Variants in SH3GL2 observed in about 807,000 individuals in gnomAD.
The protein encoded by SH3GL2 is endophilin-A1.
A neutral mutation model predicts 46.0 loss-of-function variants in SH3GL2; 24 were observed. The ratio of observed to expected loss-of-function variants is 0.52; its 90% CI spans 0.38 to 0.73. The LOEUF is 0.73. Ranked by LOEUF, SH3GL2 falls within the 30% of genes least tolerant of loss-of-function variation. The pLI is 0.00. For missense variants in SH3GL2, 413 were observed against 424.2 expected, an observed-to-expected ratio of 0.97 and a Z score of 0.23; for synonymous variants, 196 against 147.1, an observed-to-expected ratio of 1.33 and a Z score of -2.40.
At chr9:17,692,752 T>G (rs1272853472) in intron 1 of SH3GL2, among the ~76,000 whole-genome samples, 1 of 152,176 alleles carries the variant, frequency 6.6e-6, no homozygotes, top group African/African-American at 2.4e-5. Context: ...GTTTTCACAC[T>G]GCTGATAAAG....
intron 1 of SH3GL2, among the ~76,000 whole-genome samples, chr9:17,648,911 A>T (rs1354370164): frequency 1.3e-5 from 2 of 152,180 alleles, no homozygotes; most frequent in Admixed American, 1.3e-4. Flanking sequence ...ATTTTTTCCC[A>T]AATTATTATG....
intron 6 of SH3GL2, chr9:17,790,512 C>T (rs1050495656): frequency 5.7e-5 from 31 of 541,652 alleles, no homozygotes; most frequent in South Asian, 4.0e-4. Flanking sequence ...CCTAACTCCT[C>T]GAGAGGAATA....
rs1484985639 is a variant in SH3GL2 at position 17,644,714 on chromosome 9, G to T, written c.45+65427G>T. On this transcript the variant is annotated intron_variant, in intron 1 of 8. Transcript: ENST00000380607. ...TGTTTGTTATGATTTCCATTTTTTT[G>T]CATTTGCTGAGGAGTGCTTTACTTC... 4.6e-5 allele frequency among the ~76,000 whole-genome samples: 7 copies of T among 152,028 alleles called. No individual in the cohort carries two copies. The East Asian group carries it at 9.7e-4, about 21-fold the overall frequency.
At chr9:17,633,963 C>T (rs1453479164) in intron 1 of SH3GL2, among the ~76,000 whole-genome samples, 1 of 152,186 alleles carries the variant, frequency 6.6e-6, no homozygotes, top group Non-Finnish European at 1.5e-5. Flanking sequence ...TGGTATGTTT[C>T]TTGAATGACC....
intron 1 of SH3GL2, among the ~76,000 whole-genome samples, chr9:17,659,701 G>A (rs1044190216): frequency 6.6e-6 from 1 of 152,112 alleles, no homozygotes; most frequent in South Asian, 2.1e-4. Context: ...ATGTGGCTCA[G>A]AATTAGTGTT....
At chr9:17,743,592 A>ACACACACACACC (rs1822594644) in intron 1 of SH3GL2, among the ~76,000 whole-genome samples, 1 of 151,434 alleles carries the variant, frequency 6.6e-6, no homozygotes, top group African/African-American at 2.4e-5. Context: ...ACACACACAC[A>ACACACACACACC]CACACACACC....
chr9:17,606,386 C>T (rs368312243), intron 1 of SH3GL2, among the ~76,000 whole-genome samples: 14 of 152,134 alleles, frequency 9.2e-5, no homozygotes, highest in Admixed American at 3.3e-4. Flanking sequence ...CCACCATGCC[C>T]GCTCAGACCC....
rs562477832 is a variant in SH3GL2, at chr9:17,758,213, C to G, written c.115-3224C>G. 8.6e-4 allele frequency among the ~76,000 whole-genome samples: 131 copies of G among 152,212 alleles called. 1 individual carries two copies. The Middle Eastern group carries it at 0.017, about 20-fold the overall frequency. ...ATAAATTAAAGCGTTAAACAGAATG[C>G]TCCCCTGGTCTCTTCCTCTTATGTC... is the stretch of plus-strand genomic sequence containing the variant. On this transcript the variant is annotated intron_variant, in intron 2 of 8. Transcript: ENST00000380607.
chr9:17,782,602 C>T (rs1009979308), intron 3 of SH3GL2, among the ~76,000 whole-genome samples: 2 of 152,110 alleles, frequency 1.3e-5, no homozygotes, highest in Non-Finnish European at 2.9e-5. Context: ...AGGAGACCTG[C>T]TCTCAAACCA....
chr9:17,647,411 T>TCTC (rs1819844404), intron 1 of SH3GL2, among the ~76,000 whole-genome samples: 1 of 150,334 alleles, frequency 6.7e-6, no homozygotes, highest in Non-Finnish European at 1.5e-5. Flanking sequence ...TCTTGTTAGT[T>TCTC]TCTCTCTCTC....
At chr9:17,666,545 CGTGTGTGTGT>C (rs71331502) in intron 1 of SH3GL2, among the ~76,000 whole-genome samples, 8 of 142,144 alleles carry the variant, frequency 5.6e-5, no homozygotes, top group Admixed American at 2.9e-4. Context: ...ACAAAGGTAA[CGTGTGTGTGT>C]GTGTGTGTGT....
intron 2 of SH3GL2, among the ~76,000 whole-genome samples, chr9:17,760,999 G>A (rs1369073143): frequency 6.6e-6 from 1 of 152,100 alleles, no homozygotes. Flanking sequence ...TATATTTTTA[G>A]GATGTTCTTA....
At chr9:17,624,054 A>G (rs1444090582) in intron 1 of SH3GL2, among the ~76,000 whole-genome samples, 1 of 152,174 alleles carries the variant, frequency 6.6e-6, no homozygotes, top group Non-Finnish European at 1.5e-5. Flanking sequence ...ACATTTGCAC[A>G]GCCTTGGTTT....
intron 1 of SH3GL2, among the ~76,000 whole-genome samples, chr9:17,613,943 C>T (rs534852633): frequency 4.6e-5 from 7 of 152,076 alleles, no homozygotes; most frequent in Middle Eastern, 3.2e-3. Context: ...AAATGAATGA[C>T]GACAATACTG....
chr9:17,608,966 C>T (rs947735888), intron 1 of SH3GL2, among the ~76,000 whole-genome samples: 4 of 152,140 alleles, frequency 2.6e-5, no homozygotes, highest in Admixed American at 2.6e-4. Context: ...ATCCAGGACA[C>T]CCACTTTCAC....
At chr9:17,654,401 T>C (rs926210093) in intron 1 of SH3GL2, among the ~76,000 whole-genome samples, 5 of 152,190 alleles carry the variant, frequency 3.3e-5, no homozygotes, top group Non-Finnish European at 7.3e-5. Flanking sequence ...TGAAGATTTG[T>C]TAATGAAATA....
intron 1 of SH3GL2, among the ~76,000 whole-genome samples, chr9:17,597,331 G>A (rs1818591281): frequency 6.6e-6 from 1 of 152,096 alleles, no homozygotes; most frequent in African/African-American, 2.4e-5. Context: ...AAGCCAGCCT[G>A]ACCAACATGC....
intron 3 of SH3GL2, 54 bp from the exon 4 acceptor site, chr9:17,786,327 T>C: frequency 6.4e-7 from 1 of 1,551,984 alleles, no homozygotes; most frequent in Non-Finnish European, 8.7e-7. Context: ...TCCAGCCCTA[T>C]TTCCGCAGTG....
chr9:17,638,463 CATT>C lies in SH3GL2; in HGVS notation c.45+59177_45+59179del, dbSNP rs1330372494. 5.3e-5 allele frequency among the ~76,000 whole-genome samples: 8 copies of C among 152,120 alleles called. No homozygotes were observed. The East Asian group carries it at 9.6e-4, about 18-fold the overall frequency. On this transcript the variant is annotated intron_variant, in intron 1 of 8. Coordinates refer to ENST00000380607, the MANE Select transcript of SH3GL2 (RefSeq NM_003026.5). Reference sequence around the variant, plus strand: ...AAAAAAGTCAACAAGTAAATGAAAACATTGTTGTGAAAGTATCATGAGGAAAAC... The same window carrying C: ...AAAAAAGTCAACAAGTAAATGAAAACGTTGTGAAAGTATCATGAGGAAAAC...
Sources: gnomAD v4.1 joint callset for allele counts (sites outside exome capture counted in the v4.1 genomes callset) on GRCh38, gnomAD v4.1.1 for gene constraint, MANE v1.5 for transcripts, NCBI Gene and HGNC (gene_info 2026-07-23, HGNC 2026-07-21) for gene names.